Variants in NEK8 observed in about 807,000 individuals in gnomAD.
NEK8 encodes serine/threonine-protein kinase Nek8.
In NEK8, 51 loss-of-function variants were observed where a neutral mutation model predicts 77.2. The ratio of observed to expected loss-of-function variants is 0.66; its 90% confidence interval spans 0.53 to 0.83. The LOEUF is 0.83. Ranked by LOEUF, NEK8 falls within the 40% of genes least tolerant of loss-of-function variation. The pLI is 0.00. For synonymous variants in NEK8, 365 were observed against 363.2 expected (o/e 1.00, Z -0.06); for missense variants, 787 against 909.2 (o/e 0.87, Z 1.73).
In NEK8 at chr17:28,737,727, C is replaced by T. The variant is rs146113045; in HGVS notation, c.880C>T (p.Arg294Cys). The T allele has an allele frequency of 7.4e-5, 119 of 1,614,106 alleles. No homozygotes were observed. The highest frequency in any genetic ancestry group is 3.3e-4 in the Middle Eastern group (2 of 6,062). Residue 294 changes from arginine (R) to cysteine (C), a missense_variant, in exon 6 of 15, where the codon CGC becomes TGC. Physicochemically the swap from Arg to Cys is radical, Grantham distance 180 (BLOSUM62 -3). Around this residue, in one of 2 missense-constraint regions of NEK8, gnomAD observed 516 missense variants for 544.0 expected, o/e 0.95. Transcript: ENST00000268766. This position sits in a 1 kb window ranked among gnomAD's most constrained non-coding sequence, Gnocchi z 4.8. ...CACAGGGAGCAGGACCACCAGTGTC[C>T]GCTGCAGAGGTAAGTGGGAAGAGGC... ...SNTGSRTTSV[R>C]CRGIPRGPVR... is the part of the protein sequence containing the mutation.
intron 1 of NEK8, among the ~76,000 whole-genome samples, chr17:28,731,965 C>G (rs1194655131): frequency 5.5e-5 from 5 of 91,170 alleles, no homozygotes; most frequent in Non-Finnish European, 1.0e-4. Context: ...GAGTCTTGCT[C>G]TATCTTCTAG....
intron 3 of NEK8, 56 bp from the exon 4 acceptor site, chr17:28,735,184 C>T (rs2151731991): frequency 6.2e-7 from 1 of 1,609,786 alleles, no homozygotes; most frequent in Non-Finnish European, 8.5e-7. Flanking sequence ...GGCTTATGCA[C>T]AGAGCCCCTG....
rs990075838 is a variant in NEK8 at position 28,741,625 on chromosome 17, A to T, written c.2050+54A>T. The T allele has an allele frequency of 1.3e-6, 2 of 1,578,716 alleles. No homozygotes were observed. Among genetic ancestry groups the T allele is most frequent in the Non-Finnish European group, 1.7e-6 (2 of 1,149,366 alleles). ...CACAGCCCAGCTGGCCCCTGTCCAC[A>T]CTCCCATCCCCAGTGTTCACAGATG... On this transcript the variant is annotated intron_variant, in intron 14 of 14. Transcript: ENST00000268766. The surrounding 1 kb of genome is among the most constrained non-coding windows in gnomAD (Gnocchi z 4.5).
rs2034449676 is a variant in NEK8 at position 28,743,369 on chromosome 17, C to T, written c.*1382C>T. On this transcript the variant is annotated 3_prime_UTR_variant, in exon 15 of 15. Coordinates refer to ENST00000268766, the MANE Select transcript of NEK8 (RefSeq NM_178170.3). Reference sequence around the variant, plus strand: ...GATTGCCCGTCCCCCCCATGCCTTTCCCCAGAAACAGTTGAGAGAATGGGT... The same window carrying T: ...GATTGCCCGTCCCCCCCATGCCTTTTCCCAGAAACAGTTGAGAGAATGGGT... The T allele has an allele frequency of 6.6e-6, 1 of 152,386 alleles. No individual in the cohort carries two copies. Among genetic ancestry groups the T allele is most frequent in the Non-Finnish European group, 1.5e-5 (1 of 68,214 alleles). The allele number at this position is 152,386 out of a possible 1,614,324, so 9.4% of individuals were successfully genotyped here. A position where few individuals can be genotyped will look rare whatever the true frequency, so the allele number is the denominator to read the frequency against.
Position 28,731,499 on chromosome 17 carries a change from G to A in NEK8, c.48-2484G>A, listed in dbSNP as rs989050233. 2.6e-5 allele frequency among the ~76,000 whole-genome samples: 4 copies of A among 151,728 alleles called. 1 individual carries two copies. Among genetic ancestry groups the A allele is most frequent in the East Asian group, 3.9e-4 (2 of 5,176 alleles). On this transcript the variant is annotated intron_variant, in intron 1 of 14. Transcript: ENST00000268766. ...GGATGTAGTGAGCCGAGATCGCGCC[G>A]CTCCACTCCCGCCTGGCAACAGAGT...
rs185741477 is a variant in NEK8 at position 28,740,052 on chromosome 17, G to A, written c.1418-411G>A. On this transcript the variant is annotated intron_variant, in intron 10 of 14. Transcript: ENST00000268766. This position sits in a 1 kb window ranked among gnomAD's most constrained non-coding sequence, Gnocchi z 4.7. ...TGTAATCCCAGCACTTTGGGAGGCC[G>A]AGGCAGGTGGATCACAAGGTCAGGA... Among the ~76,000 whole-genome samples, 7,272 of 152,032 alleles carry A rather than the reference G, an allele frequency of 0.048. 246 individuals carry two copies. The highest frequency in any genetic ancestry group is 0.075 in the Middle Eastern group (22 of 294).
intron 1 of NEK8, among the ~76,000 whole-genome samples, chr17:28,731,127 C>T (rs1796113914): frequency 6.6e-6 from 1 of 151,894 alleles, no homozygotes; most frequent in South Asian, 2.1e-4. Flanking sequence ...GTGACGGCTA[C>T]TTGGGAGGCT....
In NEK8 at chr17:28,737,186, G is replaced by A. The variant is rs2151732631; in HGVS notation, c.619-120G>A. 9.9e-7 allele frequency: 1 copy of A among 1,014,114 alleles called. No individual in the cohort carries two copies. Among genetic ancestry groups the A allele is most frequent in the South Asian group, 1.4e-5 (1 of 72,736 alleles). The allele number at this position is 1,014,114 out of a possible 1,614,324, so 62.8% of individuals were successfully genotyped here. On this transcript the variant is annotated intron_variant, in intron 4 of 14. Transcript: ENST00000268766. The surrounding 1 kb of genome is among the most constrained non-coding windows in gnomAD (Gnocchi z 4.8). ...TTGGTTACTGTAGCCTTGTAGTATAGTTTGAAGTCAGGTAGCATGATGCCT... is the reference window on the plus strand; with the variant it reads ...TTGGTTACTGTAGCCTTGTAGTATAATTTGAAGTCAGGTAGCATGATGCCT...
rs1384369614 is a variant in NEK8, at chr17:28,737,815, G to T, written c.890-4G>T. Reference sequence around the variant, plus strand: ...TTAATAGTCCCCATGCACTGTACCTGCAGGTATCCCCCGGGGACCTGTGAG... The same window carrying T: ...TTAATAGTCCCCATGCACTGTACCTTCAGGTATCCCCCGGGGACCTGTGAG... On this transcript the variant is annotated splice_region_variant and splice_polypyrimidine_tract_variant and intron_variant, in intron 6 of 14. Coordinates refer to ENST00000268766, the MANE Select transcript of NEK8 (RefSeq NM_178170.3). This position sits in a 1 kb window ranked among gnomAD's most constrained non-coding sequence, Gnocchi z 4.8. The T allele has an allele frequency of 3.1e-6, 5 of 1,614,142 alleles. No individual in the cohort carries two copies. Among genetic ancestry groups the T allele is most frequent in the Non-Finnish European group, 4.2e-6 (5 of 1,180,016 alleles).
At chr17:28,734,707 A>T in intron 2 of NEK8, 65 bp from the exon 3 acceptor site, 1 of 1,175,096 alleles carries the variant, frequency 8.5e-7, no homozygotes, top group Non-Finnish European at 1.3e-6. Flanking sequence ...AACAACAACA[A>T]CAATGGAGAG....
In NEK8 at chr17:28,741,154, A is replaced by G; in HGVS notation, c.1809A>G (p.Ala603=). ...LGTNTRRGSR[A]PCKVQGLEGI... ...CCAATACTCGCCGAGGCAGTCGGGC[A>G]CCCTGTAAGGTCCAAGGCCTTGAGG... Residue 603 remains alanine, a synonymous_variant, in exon 13 of 15, where the codon GCA becomes GCG. Transcript: ENST00000268766. This position sits in a 1 kb window ranked among gnomAD's most constrained non-coding sequence, Gnocchi z 4.5. The G allele has an allele frequency of 1.9e-6, 3 of 1,614,016 alleles. No individual in the cohort carries two copies. Among genetic ancestry groups the G allele is most frequent in the South Asian group, 2.2e-5 (2 of 91,078 alleles).
At chr17:28,736,074 G>A (rs1371014931) in intron 4 of NEK8, among the ~76,000 whole-genome samples, 2 of 152,144 alleles carry the variant, frequency 1.3e-5, no homozygotes, top group Admixed American at 6.5e-5. Flanking sequence ...ATGGTTTCCA[G>A]CTCCATCCAT....
rs4795455 is a variant in NEK8 at position 28,742,417 on chromosome 17, C to A, written c.*430C>A. The A allele has an allele frequency of 6.3e-3, 1,740 of 274,262 alleles. 73 individuals carry two copies. The Admixed American group carries it at 0.064, about 10-fold the overall frequency. The allele number at this position is 274,262 out of a possible 1,614,324, so 17.0% of individuals were successfully genotyped here. ...GACCATCCTGGCTAACGTGGTGAAA[C>A]CCCATCTCTACTAAAAATACAAAAA... On this transcript the variant is annotated 3_prime_UTR_variant, in exon 15 of 15. Transcript: ENST00000268766.
At position 28,740,379 on chromosome 17, in the gene NEK8, T is replaced by G. The variant is rs1322771251; in HGVS notation, c.1418-84T>G. 8.5e-7 allele frequency: 1 copy of G among 1,178,178 alleles called. No homozygotes were observed. The highest frequency in any genetic ancestry group is 1.3e-6 in the Non-Finnish European group (1 of 783,210). The allele number at this position is 1,178,178 out of a possible 1,614,324, so 73.0% of individuals were successfully genotyped here. A position where few individuals can be genotyped will look rare whatever the true frequency, so the allele number is the denominator to read the frequency against. ...CTGAGAGAACAGAGAACTCATGCTG[T>G]TCCCTCCCCTCAGTGGGCCCTCCTC... On this transcript the variant is annotated intron_variant, in intron 10 of 14. Coordinates refer to ENST00000268766, the MANE Select transcript of NEK8 (RefSeq NM_178170.3). This position sits in a 1 kb window ranked among gnomAD's most constrained non-coding sequence, Gnocchi z 4.7.
rs754756615 is a variant in NEK8 at position 28,737,488 on chromosome 17, C to G, written c.801C>G (p.Thr267=). The G allele has an allele frequency of 1.9e-6, 3 of 1,613,096 alleles. No individual in the cohort carries two copies. The highest frequency in any genetic ancestry group is 2.5e-6 in the Non-Finnish European group (3 of 1,179,988). The part of the protein sequence containing the change: ...LCIRALLNLH[T]DVGSVRMRRA... ...TCCGTGCCCTCCTCAACCTCCACAC[C>G]GACGTGGGCAGTGTCCGCATGCGGA... The change falls in exon 5 of 15, where the codon ACC becomes ACG. Residue 267 remains threonine (T), a synonymous_variant. Transcript: ENST00000268766. This position sits in a 1 kb window ranked among gnomAD's most constrained non-coding sequence, Gnocchi z 4.8.
In NEK8 at chr17:28,737,038, CA is replaced by C. The variant is rs1455435796; in HGVS notation, c.619-267del. Among the ~76,000 whole-genome samples the C allele has an allele frequency of 2.6e-5, 4 of 152,220 alleles. No individual in the cohort carries two copies. Among genetic ancestry groups the C allele is most frequent in the Non-Finnish European group, 5.9e-5 (4 of 68,050 alleles). ...TTTATTAAATAGGGAATCCTTTCCC[CA>C]TTTCTTGTTTTTCTCAGGTTTGTCA... is the stretch of plus-strand genomic sequence containing the variant. On this transcript the variant is annotated intron_variant, in intron 4 of 14. Transcript: ENST00000268766. The surrounding 1 kb of genome is among the most constrained non-coding windows in gnomAD (Gnocchi z 4.8).
At position 28,740,355 on chromosome 17, in the gene NEK8, TGA is replaced by T; in HGVS notation, c.1418-103_1418-102del. 2 of 920,024 alleles carry T rather than the reference TGA, an allele frequency of 2.2e-6. No individual in the cohort carries two copies. Among genetic ancestry groups the T allele is most frequent in the Non-Finnish European group, 3.6e-6 (2 of 551,470 alleles). 57.0% of individuals were successfully genotyped at this position (920,024 alleles called of 1,614,324 possible). The stretch of plus-strand genomic sequence containing the variant: ...GGGGCCTAGGAAAGGCATTTGGGAC[TGA>T]GAGAACAGAGAACTCATGCTGTTCC... On this transcript the variant is annotated intron_variant, in intron 10 of 14. Transcript: ENST00000268766. The surrounding 1 kb of genome is among the most constrained non-coding windows in gnomAD (Gnocchi z 4.7).
Position 28,734,829 on chromosome 17 carries a change from CCAT to C in NEK8, c.313_315del (p.Ile105del). ...TGTAATTCCCTGCTGGAGGAGGAGACCATCCTGCACTTCTTCGTGCAGATCCTG... is the reference window on the plus strand; with the variant it reads ...TGTAATTCCCTGCTGGAGGAGGAGACCCTGCACTTCTTCGTGCAGATCCTG... On this transcript the variant is annotated inframe_deletion, in exon 3 of 15. Transcript: ENST00000268766. 1 of 1,613,878 alleles carries C rather than the reference CCAT, an allele frequency of 6.2e-7. No homozygotes were observed. The highest frequency in any genetic ancestry group is 8.5e-7 in the Non-Finnish European group (1 of 1,180,018).
At position 28,737,742 on chromosome 17, in the gene NEK8, T is replaced by A. The variant is rs1007557929; in HGVS notation, c.889+6T>A. On this transcript the variant is annotated splice_donor_region_variant and intron_variant, in intron 6 of 14. Transcript: ENST00000268766. This position sits in a 1 kb window ranked among gnomAD's most constrained non-coding sequence, Gnocchi z 4.8. The stretch of plus-strand genomic sequence containing the variant: ...CACCAGTGTCCGCTGCAGAGGTAAG[T>A]GGGAAGAGGCCGCCAGTCCCCATGG... 6.2e-7 allele frequency: 1 copy of A among 1,614,094 alleles called. No homozygotes were observed.
Sources: gnomAD v4.1 joint callset for allele counts (sites outside exome capture counted in the v4.1 genomes callset) on GRCh38, gnomAD v4.1.1 for gene constraint, gnomAD v4.1.1 regional missense constraint, Gnocchi (gnomAD v3.1) non-coding constraint, MANE v1.5 for transcripts, NCBI Gene and HGNC (gene_info 2026-07-23, HGNC 2026-07-21) for gene names.